Variants in FAT3 observed in about 807,000 individuals in gnomAD.
FAT3 encodes the protein FAT atypical cadherin 3.
FAT3 carries 95 observed loss-of-function variants against 310.2 expected under a neutral mutation model. That is an observed-to-expected ratio of 0.31 (90% CI 0.26 to 0.36). The LOEUF is 0.36. FAT3 is among the 10% of genes least tolerant of loss of function. The pLI is 1.00. For missense variants in FAT3, 5,408 were observed against 5,715.6 expected, an observed-to-expected ratio of 0.95 and a Z score of 1.74; for synonymous variants, 2,314 against 2,192.9, an observed-to-expected ratio of 1.06 and a Z score of -1.54.
At chr11:92,703,148 A>G (rs979026353) in intron 4 of FAT3, among the ~76,000 whole-genome samples, 1 of 152,146 alleles carries the variant, frequency 6.6e-6, no homozygotes, top group South Asian at 2.1e-4. Context: ...ATCCCTTTTT[A>G]TAGTTTTATT....
At chr11:92,551,414 T>TTGTGTGTGTGTGTGTGTGTGTGTGTG (rs71473973) in intron 3 of FAT3, among the ~76,000 whole-genome samples, 3 of 128,874 alleles carry the variant, frequency 2.3e-5, no homozygotes, top group Non-Finnish European at 3.2e-5. Flanking sequence ...TTTTTTTGTT[T>TTGTGTGTGTGTGTGTGTGTGTGTGTG]TGTGTGTGTG....
At chr11:92,806,573 A>T (rs569426461) in intron 12 of FAT3, 58 bp downstream of exon 12, 114 of 1,432,808 alleles carry the variant, frequency 8.0e-5, no homozygotes, top group Admixed American at 1.7e-4. Context: ...GAGAAGTTAA[A>T]CTTATGTGGT....
At chr11:92,761,030 T>C (rs1243079881) in intron 4 of FAT3, among the ~76,000 whole-genome samples, 3 of 152,208 alleles carry the variant, frequency 2.0e-5, no homozygotes, top group African/African-American at 7.2e-5. Context: ...GTGGAACATA[T>C]ATCATAGTTT....
At chr11:92,375,030 T>C (rs1284070779) in intron 2 of FAT3, among the ~76,000 whole-genome samples, 2 of 152,130 alleles carry the variant, frequency 1.3e-5, no homozygotes, top group South Asian at 2.1e-4. Flanking sequence ...CTGACCTGTT[T>C]AATAAAACAT....
At chr11:92,843,683 C>G (rs1225041877) in intron 18 of FAT3, among the ~76,000 whole-genome samples, 1 of 152,196 alleles carries the variant, frequency 6.6e-6, no homozygotes, top group Non-Finnish European at 1.5e-5. Context: ...TCCTCCTTCT[C>G]TCTTCACCCC....
At chr11:92,508,568 A>C (rs1953190177) in intron 2 of FAT3, among the ~76,000 whole-genome samples, 1 of 152,152 alleles carries the variant, frequency 6.6e-6, no homozygotes, top group Admixed American at 6.6e-5. Flanking sequence ...CATTCATTAC[A>C]TTTTTAAGAG....
chr11:92,316,634 C>A (rs1947469778), intron 1 of FAT3, among the ~76,000 whole-genome samples: 1 of 152,038 alleles, frequency 6.6e-6, no homozygotes, highest in African/African-American at 2.4e-5. Context: ...CTGAAAAATG[C>A]ATACAAGAAT....
intron 1 of FAT3, among the ~76,000 whole-genome samples, chr11:92,243,654 G>T (rs1290583686): frequency 2.0e-5 from 3 of 152,030 alleles, no homozygotes; most frequent in African/African-American, 7.2e-5. Context: ...CTTGTCATCA[G>T]TGTTTGCAAA....
chr11:92,398,264 G>T (rs1949924885), intron 2 of FAT3, among the ~76,000 whole-genome samples: 1 of 152,030 alleles, frequency 6.6e-6, no homozygotes, highest in Non-Finnish European at 1.5e-5. Context: ...ACTTTGGGAG[G>T]CTGAGGCGGG....
Position 92,799,007 on chromosome 11 carries a change from A to G in FAT3, c.5994A>G (p.Ile1998Met), listed in dbSNP as rs866689387. 4.3e-6 allele frequency: 7 copies of G among 1,613,844 alleles called. No individual in the cohort carries two copies. In the Middle Eastern group the frequency reaches 6.6e-4, roughly 152 times the overall value. The change falls in exon 10 of 28, where the codon ATA becomes ATG. Residue 1998 changes from isoleucine to methionine, a missense_variant. Physicochemically the swap from Ile to Met is conservative, Grantham distance 10. This residue lies in a region of FAT3 where 4,588 missense variants were observed against 4,809.8 expected (regional missense o/e 0.95). Transcript: ENST00000525166. ...CAATCTCAGAGAACAACACTAACATAACCAAAGTTGCTATTGTCAATGCAG... is the reference window on the plus strand; with the variant it reads ...CAATCTCAGAGAACAACACTAACATGACCAAAGTTGCTATTGTCAATGCAG... ...STSISENNTN[I>M]TKVAIVNAVG...
chr11:92,590,791 A>C lies in FAT3; in HGVS notation c.3607+65843A>C, dbSNP rs1455850177. On this transcript the variant is annotated intron_variant, in intron 3 of 27. Transcript: ENST00000525166. ...GAACAGAAAAGAAGGAGATATGTGT[A>C]GCAGGCATTTGTTATTTTTGCCTAC... 1.3e-5 allele frequency among the ~76,000 whole-genome samples: 2 copies of C among 152,180 alleles called. 1 individual carries two copies. Among genetic ancestry groups the C allele is most frequent in the South Asian group, 4.1e-4 (2 of 4,832 alleles).
At chr11:92,356,138 A>G (rs1221798855) in intron 2 of FAT3, among the ~76,000 whole-genome samples, 4 of 152,210 alleles carry the variant, frequency 2.6e-5, no homozygotes, top group Non-Finnish European at 4.4e-5. Flanking sequence ...ATACAGATAC[A>G]GGTTTTTTAA....
At chr11:92,229,679 A>G (rs1404638891) in intron 1 of FAT3, among the ~76,000 whole-genome samples, 3 of 151,298 alleles carry the variant, frequency 2.0e-5, no homozygotes, top group African/African-American at 7.3e-5. Flanking sequence ...GTCTACCAAA[A>G]TAGGCTATCA....
In FAT3 at chr11:92,621,349, TAAG is replaced by T. The variant is rs1254008881; in HGVS notation, c.3608-76031_3608-76029del. 3.3e-5 allele frequency among the ~76,000 whole-genome samples: 5 copies of T among 152,336 alleles called. No homozygotes were observed. The East Asian group carries it at 5.8e-4, about 18-fold the overall frequency. ...GGTGGGGAGAAGGAAAAAAGAGTTT[TAAG>T]AAGGTCTTTGCAAAACAACTATTTC... On this transcript the variant is annotated intron_variant, in intron 3 of 27. Coordinates refer to ENST00000525166, the MANE Select transcript of FAT3 (RefSeq NM_001367949.2).
chr11:92,602,322 T>G (rs1329694527), intron 3 of FAT3, among the ~76,000 whole-genome samples: 2 of 152,136 alleles, frequency 1.3e-5, no homozygotes, highest in African/African-American at 4.8e-5. Flanking sequence ...AGGCTGGTCT[T>G]GAACTTCTGA....
At chr11:92,304,387 G>A (rs868399131) in intron 1 of FAT3, among the ~76,000 whole-genome samples, 1 of 152,058 alleles carries the variant, frequency 6.6e-6, no homozygotes, top group South Asian at 2.1e-4. Flanking sequence ...ACAGTTTCAG[G>A]GAGGGATAAC....
At chr11:92,748,643 C>T in intron 4 of FAT3, 1 of 152,168 alleles carries the variant, frequency 6.6e-6, no homozygotes. Context: ...ATAGCAGAGA[C>T]ATGTGTTGAA....
In FAT3 at chr11:92,304,901, C is replaced by G. The variant is rs60965735; in HGVS notation, c.-17-47195C>G. Among the ~76,000 whole-genome samples the G allele has an allele frequency of 2.5e-3, 388 of 152,176 alleles. 5 individuals carry two copies. Among genetic ancestry groups the G allele is most frequent in the African/African-American group, 9.0e-3 (374 of 41,552 alleles). ...GGTGAGGATGATCCTTTAAATGGGT[C>G]AGACCAACCCAGGCATGAAAACTAA... On this transcript the variant is annotated intron_variant, in intron 1 of 27. Transcript: ENST00000525166.
rs148924628 is a variant in FAT3, at chr11:92,598,215, C to CATATATAT, written c.3607+73276_3607+73283dup. 1.2e-3 allele frequency among the ~76,000 whole-genome samples: 169 copies of CATATATAT among 136,436 alleles called. 2 individuals carry two copies. In the East Asian group the frequency reaches 0.025, roughly 20 times the overall value. 89.5% of individuals were successfully genotyped at this position (136,436 alleles called of 152,430 possible). ...TCATGTATATAAATATATATGTATACATATATATATATATATTTTTTTTTT... is the reference window on the plus strand; with the variant it reads ...TCATGTATATAAATATATATGTATACATATATATATATATATATATATATTTTTTTTTT... On this transcript the variant is annotated intron_variant, in intron 3 of 27. Coordinates refer to ENST00000525166, the MANE Select transcript of FAT3 (RefSeq NM_001367949.2).
Sources: gnomAD v4.1 joint callset for allele counts (sites outside exome capture counted in the v4.1 genomes callset) on GRCh38, gnomAD v4.1.1 for gene constraint, gnomAD v4.1.1 regional missense constraint, MANE v1.5 for transcripts, NCBI Gene and HGNC (gene_info 2026-07-23, HGNC 2026-07-21) for gene names.